The following ZNF208 variants were observed in gnomAD, a reference collection of about 807,000 sequenced individuals.
The protein encoded by ZNF208 is zinc finger protein 208, also known as zinc finger protein 95.
Under a neutral mutation model 12.1 loss-of-function variants are expected in ZNF208, and 10 were observed. The ratio of observed to expected loss-of-function variants is 0.83; its 90% confidence interval spans 0.51 to 1.40. The LOEUF (loss-of-function observed/expected upper bound fraction) is 1.40. ZNF208 is among the 40% of genes most tolerant of loss of function. The pLI, the probability that ZNF208 is intolerant of heterozygous loss-of-function variation, is 0.00. For synonymous variants in ZNF208, 497 were observed against 488.4 expected, an observed-to-expected ratio of 1.02 and a Z score of -0.23; for missense variants, 1,652 against 1,485.0, an observed-to-expected ratio of 1.11 and a Z score of -1.85.
chr19:21,996,178 C>A (rs1303906320), intron 1 of ZNF208, among the ~76,000 whole-genome samples: 2 of 152,104 alleles, frequency 1.3e-5, no homozygotes, highest in African/African-American at 4.8e-5. Context: ...TTATTTGGGT[C>A]AAGCTTAAGT....
At chr19:21,952,226 G>C (rs1481867024) in intron 4 of ZNF208, among the ~76,000 whole-genome samples, 2 of 152,242 alleles carry the variant, frequency 1.3e-5, no homozygotes, top group African/African-American at 4.8e-5. Context: ...GCAAGGCATA[G>C]CTGAACAAAA....
chr19:21,966,019 C>T (rs931969694), downstream of ZNF208: 5 of 151,950 alleles, frequency 3.3e-5, no homozygotes, highest in South Asian at 2.1e-4. Flanking sequence ...CACCACCATG[C>T]CTTAAGGGGT....
rs191756909 is a variant in ZNF208, at chr19:21,971,963, G to C, written c.3071C>G (p.Thr1024Ser). The C allele has an allele frequency of 3.8e-6, 6 of 1,576,266 alleles. No individual in the cohort carries two copies. The African/African-American group carries it at 8.2e-5, about 22-fold the overall frequency. The part of the protein sequence containing the change: ...SNLMEHKKIH[T>S]GETPYKCEEC... ...TTCACATTTGTAGGGTGTCTCTCCA[G>C]TGTGAATTTTCTTATGTTCCATAAG... is the stretch of plus-strand genomic sequence containing the variant. The change falls in exon 4 of 4, where the codon ACT becomes AGT. Residue 1024 changes from threonine to serine, a missense_variant. Around this residue, in one of 3 missense-constraint regions of ZNF208, gnomAD observed 1,239 missense variants for 1,086.2 expected, o/e 1.14. Coordinates refer to ENST00000397126, the MANE Select transcript of ZNF208 (RefSeq NM_007153.3).
downstream of ZNF208, among the ~76,000 whole-genome samples, chr19:21,963,498 T>A (rs1040948161): frequency 6.6e-6 from 1 of 152,008 alleles, no homozygotes; most frequent in Non-Finnish European, 1.5e-5. Context: ...TCGCTCTGAG[T>A]CACACAGGGG....
chr19:21,954,364 G>T (rs568156707), intron 4 of ZNF208, among the ~76,000 whole-genome samples: 1 of 152,118 alleles, frequency 6.6e-6, no homozygotes, highest in African/African-American at 2.4e-5. Context: ...TTGTTGCAGA[G>T]GTGAGTTCAA....
intron 4 of ZNF208, among the ~76,000 whole-genome samples, chr19:21,949,049 G>C (rs898548756): frequency 1.3e-5 from 2 of 152,160 alleles, no homozygotes; most frequent in Non-Finnish European, 2.9e-5. Context: ...TCAGAAACCA[G>C]ATAAAAATCC....
chr19:21,982,792 G>GA (rs1970566885), intron 3 of ZNF208, among the ~76,000 whole-genome samples: 2 of 152,110 alleles, frequency 1.3e-5, no homozygotes, highest in African/African-American at 4.8e-5. Context: ...AAATGGTGTT[G>GA]AAAAAACTGG....
rs1325265640 is a variant in ZNF208, at chr19:21,970,875, T to C, written c.*316A>G. 8 of 1,518,866 alleles carry C rather than the reference T, an allele frequency of 5.3e-6. No homozygotes were observed. The highest frequency in any genetic ancestry group is 5.0e-5 in the Admixed American group (3 of 59,428). The allele number at this position is 1,518,866 out of a possible 1,614,324, so 94.1% of individuals were successfully genotyped here. Reference sequence around the variant, plus strand: ...ACATTTGTAGGGTTTCTCTCCAGTATGAATTTTCTATGATAACTGAGGGTT... The same window carrying C: ...ACATTTGTAGGGTTTCTCTCCAGTACGAATTTTCTATGATAACTGAGGGTT... On this transcript the variant is annotated 3_prime_UTR_variant, in exon 4 of 4. Coordinates refer to ENST00000397126, the MANE Select transcript of ZNF208 (RefSeq NM_007153.3).
At chr19:21,993,131 C>T (rs988826601) in intron 1 of ZNF208, among the ~76,000 whole-genome samples, 1 of 152,080 alleles carries the variant, frequency 6.6e-6, no homozygotes, top group Non-Finnish European at 1.5e-5. Flanking sequence ...TCCTTTATAG[C>T]CGAAGAGATT....
chr19:21,974,212 T>G lies in ZNF208; in HGVS notation c.822A>C (p.Lys274Asn). The G allele has an allele frequency of 1.9e-6, 3 of 1,602,630 alleles. No homozygotes were observed. Among genetic ancestry groups the G allele is most frequent in the Non-Finnish European group, 2.6e-6 (3 of 1,171,036 alleles). The change falls in exon 4 of 4, where the codon AAA becomes AAC. Residue 274 changes from lysine to asparagine, a missense_variant. Lys to Asn is a moderately conservative substitution (Grantham distance 94). Transcript: ENST00000397126. ...KAFNQSAILT[K>N]HKIIHTGEKP... ...TCTCTCCAGTATGAATTATCTTATGTTTAGTAAGGATTGCAGATTGGTTAA... is the reference window on the plus strand; with the variant it reads ...TCTCTCCAGTATGAATTATCTTATGGTTAGTAAGGATTGCAGATTGGTTAA...
At chr19:21,996,589 C>T (rs537680604) in intron 1 of ZNF208, among the ~76,000 whole-genome samples, 1 of 152,070 alleles carries the variant, frequency 6.6e-6, no homozygotes, top group African/African-American at 2.4e-5. Flanking sequence ...ATTCTCAAGA[C>T]TTAGATTTAG....
intron 4 of ZNF208, among the ~76,000 whole-genome samples, chr19:21,959,350 T>C (rs184220906): frequency 6.6e-4 from 100 of 152,320 alleles, no homozygotes; most frequent in Non-Finnish European, 9.7e-4. Flanking sequence ...TTAGTCTCAA[T>C]TCCCAACCTT....
rs1026895406 is a variant in ZNF208, at chr19:21,970,547, T to C, written c.*644A>G. 2 of 637,350 alleles carry C rather than the reference T, an allele frequency of 3.1e-6. No homozygotes were observed. Among genetic ancestry groups the C allele is most frequent in the Middle Eastern group, 3.0e-4 (1 of 3,378 alleles). The allele number at this position is 637,350 out of a possible 1,614,324, so 39.5% of individuals were successfully genotyped here. On this transcript the variant is annotated 3_prime_UTR_variant, in exon 4 of 4. Transcript: ENST00000397126. ...AGGGTTTTTCCTCCAGTATGAATTC[T>C]TTTATGAGTAGTAAGGTGTGAGGAC...
chr19:21,984,172 C>A (rs1199583611), intron 3 of ZNF208, among the ~76,000 whole-genome samples: 1 of 152,064 alleles, frequency 6.6e-6, no homozygotes, highest in Non-Finnish European at 1.5e-5. Context: ...AGAAGTCTTA[C>A]CAAGTTTTTT....
rs1970220879 is a variant in ZNF208, at chr19:21,968,856, ATTATACATT to A, written c.*2326_*2334del. Among the ~76,000 whole-genome samples the A allele has an allele frequency of 6.6e-6, 1 of 152,092 alleles. No homozygotes were observed. The highest frequency in any genetic ancestry group is 2.4e-5 in the African/African-American group (1 of 41,428). ...GGTTTATTATTACTTATACAATGTCATTATACATTTTATACATTTTTGCTCTGCTAAAGA... is the reference window on the plus strand; with the variant it reads ...GGTTTATTATTACTTATACAATGTCATTATACATTTTTGCTCTGCTAAAGA... On this transcript the variant is annotated 3_prime_UTR_variant, in exon 4 of 4. Coordinates refer to ENST00000397126, the MANE Select transcript of ZNF208 (RefSeq NM_007153.3).
chr19:21,959,665 T>C (rs951749370), intron 4 of ZNF208, among the ~76,000 whole-genome samples: 9 of 152,202 alleles, frequency 5.9e-5, no homozygotes, highest in Middle Eastern at 3.2e-3. Context: ...TATTTGTCAA[T>C]TGTTTGAAGA....
chr19:21,993,011 C>T (rs996104821), intron 1 of ZNF208, among the ~76,000 whole-genome samples: 7 of 152,128 alleles, frequency 4.6e-5, no homozygotes, highest in African/African-American at 1.7e-4. Flanking sequence ...AGACAAATTA[C>T]ACCTGCATCT....
downstream of ZNF208, among the ~76,000 whole-genome samples, chr19:21,963,666 A>G (rs1444722576): frequency 6.6e-6 from 1 of 152,028 alleles, no homozygotes; most frequent in African/African-American, 2.4e-5. Flanking sequence ...ACTATTTTTT[A>G]GCAACTAATG....
Position 21,972,701 on chromosome 19 carries a change from T to A in ZNF208, c.2333A>T (p.Lys778Ile). The A allele has an allele frequency of 2.5e-6, 4 of 1,591,730 alleles. No individual in the cohort carries two copies. The highest frequency in any genetic ancestry group is 3.4e-6 in the Non-Finnish European group (4 of 1,167,178). Residue 778 changes from lysine to isoleucine, a missense_variant, in exon 4 of 4, where the codon AAA becomes ATA. Lys to Ile is a moderately radical substitution (Grantham distance 102). Around this residue, in one of 3 missense-constraint regions of ZNF208, gnomAD observed 1,239 missense variants for 1,086.2 expected, o/e 1.14. Transcript: ENST00000397126. ...AAAAGCTTTGCCACATTCTTCACAT[T>A]TGTAGGGTTTCTCTACAGTATGAAT... The part of the protein sequence containing the change: ...KKIHTVEKPY[K>I]CEECGKAFNR...
Sources: allele counts gnomAD v4.1 joint callset (sites outside exome capture counted in the v4.1 genomes callset), GRCh38; gene constraint gnomAD v4.1.1; regional missense constraint gnomAD v4.1.1; transcripts MANE v1.5; gene names NCBI Gene and HGNC (gene_info 2026-07-23, HGNC 2026-07-21).